Variants in PCDH11X observed in about 807,000 individuals in gnomAD.
PCDH11X encodes the protein protocadherin 11 X-linked, also known as protocadherin-11 X-linked.
In PCDH11X, 18 loss-of-function variants were observed where a neutral mutation model predicts 53.3. That is an observed-to-expected ratio of 0.34 (90% CI 0.23 to 0.50). The LOEUF (loss-of-function observed/expected upper bound fraction) is 0.50, where lower values mean the gene tolerates loss of function less well. PCDH11X is among the 20% of genes least tolerant of loss of function. The pLI, the probability that PCDH11X is intolerant of heterozygous loss-of-function variation, is 0.98. For missense variants in PCDH11X, 570 were observed against 1,032.4 expected (o/e 0.55, Z 6.14); for synonymous variants, 279 against 393.3 (o/e 0.71, Z 3.44).
chrX:92,208,963 A>G (rs1261673802), intron 7 of PCDH11X, among the ~76,000 whole-genome samples: 3 of 110,776 alleles, frequency 2.7e-5, no homozygotes, highest in Admixed American at 1.9e-4. Flanking sequence ...AGGAAGTCCT[A>G]TGCACTTTCA....
chrX:92,116,519 C>A (rs746304724), intron 6 of PCDH11X, among the ~76,000 whole-genome samples: 1 of 112,297 alleles, frequency 8.9e-6, no homozygotes, highest in South Asian at 3.7e-4. Context: ...AAATTAAATT[C>A]TTAGATAATC....
intron 8 of PCDH11X, among the ~76,000 whole-genome samples, chrX:92,317,502 C>G (rs1384561490): frequency 9.0e-6 from 1 of 111,452 alleles, no homozygotes; most frequent in African/African-American, 3.2e-5. Flanking sequence ...AGTACAGAGT[C>G]ATAAACTTGA....
At chrX:92,381,394 G>T (rs374346635) in intron 8 of PCDH11X, among the ~76,000 whole-genome samples, 1 of 110,584 alleles carries the variant, frequency 9.0e-6, no homozygotes, top group Non-Finnish European at 1.9e-5. Flanking sequence ...CACCAGAATG[G>T]GTCTAAAACA....
chrX:92,043,952 T>C lies in PCDH11X; in HGVS notation c.3034-157423T>C, dbSNP rs1274443153. On this transcript the variant is annotated intron_variant, in intron 6 of 10. Transcript: ENST00000682573. ...CGAGGCTGAAATACTAAGTAAACTA[T>C]TAGTTCAACTTGTCACTTTAATATA... 5.4e-5 allele frequency among the ~76,000 whole-genome samples: 6 copies of C among 110,644 alleles called. No individual in the cohort carries two copies. In the East Asian group the frequency reaches 1.7e-3, roughly 32 times the overall value.
At chrX:92,610,509 T>C (rs1349897280) in intron 10 of PCDH11X, among the ~76,000 whole-genome samples, 1 of 110,455 alleles carries the variant, frequency 9.1e-6, no homozygotes, top group East Asian at 2.8e-4. Flanking sequence ...TTGCTGAATG[T>C]ATACTTTGGG....
At chrX:91,827,643 G>A (rs1936966426) in intron 4 of PCDH11X, among the ~76,000 whole-genome samples, 1 of 109,458 alleles carries the variant, frequency 9.1e-6, no homozygotes, top group Non-Finnish European at 1.9e-5. Context: ...GTAAGAAAGG[G>A]GTCCAGTTTC....
At chrX:91,995,846 C>CTTTT (rs1216982938) in intron 6 of PCDH11X, among the ~76,000 whole-genome samples, 2 of 103,447 alleles carry the variant, frequency 1.9e-5, no homozygotes, top group Admixed American at 1.1e-4. Context: ...GTATTATCTT[C>CTTTT]TTTTTGTTTT....
At chrX:91,798,461 C>T (rs1453642994) in intron 1 of PCDH11X, among the ~76,000 whole-genome samples, 4 of 109,951 alleles carry the variant, frequency 3.6e-5, no homozygotes, top group African/African-American at 6.6e-5. Flanking sequence ...TGATGGCGGG[C>T]GCCTGTAATC....
In PCDH11X at chrX:91,878,239, A is replaced by C; in HGVS notation, c.1999A>C (p.Asn667His). The change falls in exon 6 of 11, where the codon AAT becomes CAT. Residue 667 changes from asparagine (N) to histidine (H), a missense_variant. Physicochemically the swap from Asn to His is moderately conservative, Grantham distance 68 (BLOSUM62 1). This residue lies in a region of PCDH11X where 226 missense variants were observed against 457.5 expected (regional missense o/e 0.49). Coordinates refer to ENST00000682573, the MANE Select transcript of PCDH11X (RefSeq NM_032968.5). ...AGTAACCATAAATGTGGTTGATGTC[A>C]ATGACAACAAACCAGTTTTCATTGT... is the stretch of plus-strand genomic sequence containing the variant. ...AKVTINVVDVNDNKPVFIVPP... is the reference protein window; with the variant it reads ...AKVTINVVDVHDNKPVFIVPP... 2 of 1,211,031 alleles carry C rather than the reference A, an allele frequency of 1.7e-6. No homozygotes were observed. Among genetic ancestry groups the C allele is most frequent in the Non-Finnish European group, 2.2e-6 (2 of 895,286 alleles).
intron 8 of PCDH11X, among the ~76,000 whole-genome samples, chrX:92,333,128 A>G: frequency 1.8e-5 from 2 of 109,213 alleles, no homozygotes; most frequent in Middle Eastern, 9.3e-3. Context: ...TACTCACACC[A>G]TGAAGTGACA....
At chrX:92,348,529 T>G (rs1427221632) in intron 8 of PCDH11X, among the ~76,000 whole-genome samples, 83 of 105,067 alleles carry the variant, frequency 7.9e-4, no homozygotes, top group African/African-American at 2.0e-3. Context: ...TTATTATTAT[T>G]ATTATTATTA....
intron 5 of PCDH11X, among the ~76,000 whole-genome samples, chrX:91,867,693 G>A (rs1042254515): frequency 5.4e-5 from 6 of 110,541 alleles, no homozygotes; most frequent in South Asian, 3.8e-4. Context: ...GCATGGCCTC[G>A]TATTTTCTGC....
At chrX:91,833,949 A>C (rs1458353384) in intron 4 of PCDH11X, among the ~76,000 whole-genome samples, 1 of 111,491 alleles carries the variant, frequency 9.0e-6, no homozygotes, top group African/African-American at 3.3e-5. Flanking sequence ...ATATTGAGAA[A>C]TTCCTTAACT....
At chrX:92,576,839 CAGT>C (rs1340784137) in intron 10 of PCDH11X, among the ~76,000 whole-genome samples, 4 of 110,514 alleles carry the variant, frequency 3.6e-5, no homozygotes, top group African/African-American at 1.3e-4. Context: ...CTTAGGAAAA[CAGT>C]AGTTTATATT....
At chrX:92,243,232 G>C (rs763969174) in intron 7 of PCDH11X, among the ~76,000 whole-genome samples, 1 of 111,421 alleles carries the variant, frequency 9.0e-6, no homozygotes, top group South Asian at 3.7e-4. Flanking sequence ...CCTTACATTT[G>C]AGTTAATTTT....
intron 10 of PCDH11X, among the ~76,000 whole-genome samples, chrX:92,616,487 T>C (rs1371104650): frequency 9.2e-6 from 1 of 109,035 alleles, no homozygotes; most frequent in East Asian, 2.9e-4. Flanking sequence ...TGTTGAAAAG[T>C]CTATACTTTC....
In PCDH11X at chrX:91,879,390, T is replaced by C. The variant is rs1939788156; in HGVS notation, c.3033+117T>C. On this transcript the variant is annotated intron_variant, in intron 6 of 10. Transcript: ENST00000682573. ...AAGAGGGATCAAAACAATCATATTC[T>C]ACAGATGTACCCAATAGATATATGG... is the stretch of plus-strand genomic sequence containing the variant. 2.7e-6 allele frequency: 3 copies of C among 1,130,263 alleles called. No individual in the cohort carries two copies. In the South Asian group the frequency reaches 6.0e-5, roughly 22 times the overall value. The allele number at this position is 1,130,263 out of a possible 1,213,427, so 93.1% of individuals were successfully genotyped here. A position where few individuals can be genotyped will look rare whatever the true frequency, so the allele number is the denominator to read the frequency against.
At chrX:91,897,959 A>T (rs915830301) in intron 6 of PCDH11X, among the ~76,000 whole-genome samples, 3 of 112,120 alleles carry the variant, frequency 2.7e-5, no homozygotes, top group Non-Finnish European at 3.8e-5. Flanking sequence ...GTGGGACATG[A>T]CTGGGCTTTA....
chrX:92,515,692 AAT>A (rs763697598), intron 10 of PCDH11X, among the ~76,000 whole-genome samples: 5 of 111,687 alleles, frequency 4.5e-5, no homozygotes, highest in Non-Finnish European at 7.5e-5. Flanking sequence ...TAGTTAATAA[AAT>A]ATGTTTCCAT....
Sources: allele counts gnomAD v4.1 joint callset (sites outside exome capture counted in the v4.1 genomes callset), GRCh38; gene constraint gnomAD v4.1.1; regional missense constraint gnomAD v4.1.1; transcripts MANE v1.5; gene names NCBI Gene and HGNC (gene_info 2026-07-23, HGNC 2026-07-21).